GRIA1: variants seen among roughly 807,000 people sequenced by gnomAD.
The protein encoded by GRIA1 is glutamate ionotropic receptor AMPA type subunit 1.
In GRIA1, 31 loss-of-function variants were observed where a neutral mutation model predicts 99.2. The ratio of observed to expected loss-of-function variants is 0.31; its 90% CI spans 0.23 to 0.42. GRIA1 has a LOEUF of 0.42. Among genes scored for constraint, GRIA1 ranks in the 10% least tolerant of loss-of-function variants. The pLI is 1.00. For synonymous variants in GRIA1, 438 were observed against 432.4 expected (o/e 1.01, Z -0.16); for missense variants, 782 against 1,157.5 (o/e 0.68, Z 4.71).
At chr5:153,720,646 T>G (rs1759990693) in intron 11 of GRIA1, among the ~76,000 whole-genome samples, 1 of 152,186 alleles carries the variant, frequency 6.6e-6, no homozygotes, top group African/African-American at 2.4e-5. Context: ...TGGTGTGTAT[T>G]TCTTTATCAA....
intron 2 of GRIA1, among the ~76,000 whole-genome samples, chr5:153,518,841 T>C (rs2113358819): frequency 6.6e-6 from 1 of 152,312 alleles, no homozygotes; most frequent in South Asian, 2.1e-4. Flanking sequence ...AGTTAGTAAG[T>C]GGCTGAGTGA....
At chr5:153,641,462 G>A (rs1382364665) in intron 2 of GRIA1, among the ~76,000 whole-genome samples, 1 of 152,194 alleles carries the variant, frequency 6.6e-6, no homozygotes, top group Non-Finnish European at 1.5e-5. Flanking sequence ...ACGCCATGCA[G>A]TGTGTGGGTT....
intron 15 of GRIA1, among the ~76,000 whole-genome samples, chr5:153,807,030 G>A (rs574065592): frequency 2.0e-5 from 3 of 152,306 alleles, no homozygotes; most frequent in East Asian, 1.9e-4. Context: ...CCTATTCTCT[G>A]TTCTTCCAGT....
intron 11 of GRIA1, among the ~76,000 whole-genome samples, chr5:153,731,222 CTCTT>C (rs1237272427): frequency 1.3e-5 from 2 of 151,186 alleles, no homozygotes; most frequent in African/African-American, 2.4e-5. Flanking sequence ...CTCTCTGTCT[CTCTT>C]TCTCTCTCTC....
At chr5:153,572,696 G>A (rs548825794) in intron 2 of GRIA1, among the ~76,000 whole-genome samples, 22 of 152,308 alleles carry the variant, frequency 1.4e-4, no homozygotes, top group African/African-American at 5.1e-4. Flanking sequence ...GTACTGATCA[G>A]ATCCAAAGAA....
intron 5 of GRIA1, among the ~76,000 whole-genome samples, chr5:153,673,588 T>C (rs889064758): frequency 4.6e-5 from 7 of 152,342 alleles, no homozygotes; most frequent in African/African-American, 1.4e-4. Context: ...CCCTTAGTTC[T>C]GGTGCTCTCT....
At chr5:153,797,109 C>G (rs1383859430) in intron 14 of GRIA1, among the ~76,000 whole-genome samples, 1 of 152,162 alleles carries the variant, frequency 6.6e-6, no homozygotes, top group African/African-American at 2.4e-5. Context: ...AAAGAAAGCC[C>G]TTGAGACCAA....
At chr5:153,764,387 C>A in intron 11 of GRIA1, 47 bp from the exon 12 acceptor site, 1 of 1,477,692 alleles carries the variant, frequency 6.8e-7, no homozygotes, top group Non-Finnish European at 9.5e-7. Flanking sequence ...CAGAGCTTTC[C>A]ACAGTTGATG....
chr5:153,689,569 A>G (rs1757587574), intron 8 of GRIA1, among the ~76,000 whole-genome samples: 1 of 152,170 alleles, frequency 6.6e-6, no homozygotes, highest in African/African-American at 2.4e-5. Flanking sequence ...GTTATACTGA[A>G]GGTGCAACAA....
chr5:153,760,113 C>A (rs1188377204), intron 11 of GRIA1, among the ~76,000 whole-genome samples: 1 of 151,982 alleles, frequency 6.6e-6, no homozygotes. Flanking sequence ...AAGTTGAAAG[C>A]TTTTCCCCTA....
chr5:153,588,352 C>G (rs1763677928), intron 2 of GRIA1, among the ~76,000 whole-genome samples: 5 of 152,308 alleles, frequency 3.3e-5, no homozygotes, highest in Admixed American at 2.6e-4. Context: ...CCCCCAACCC[C>G]CATGCCTCCA....
intron 2 of GRIA1, among the ~76,000 whole-genome samples, chr5:153,512,602 A>G (rs1248304884): frequency 6.6e-6 from 1 of 152,174 alleles, no homozygotes; most frequent in Non-Finnish European, 1.5e-5. Flanking sequence ...TCTAGTCTGC[A>G]AACCTCCCAA....
At chr5:153,797,475 G>A (rs1581673492) in intron 14 of GRIA1, among the ~76,000 whole-genome samples, 1 of 152,136 alleles carries the variant, frequency 6.6e-6, no homozygotes, top group African/African-American at 2.4e-5. Flanking sequence ...AAACACCTCT[G>A]GGGACAATTT....
intron 2 of GRIA1, among the ~76,000 whole-genome samples, chr5:153,623,084 T>C (rs75849876): frequency 0.23 from 35,358 of 152,166 alleles, 4,527 homozygotes; most frequent in Non-Finnish European, 0.3. Flanking sequence ...TCAGGTTGGT[T>C]TCATCCAAAG....
intron 2 of GRIA1, among the ~76,000 whole-genome samples, chr5:153,624,072 C>A (rs938127455): frequency 6.6e-6 from 1 of 152,164 alleles, no homozygotes; most frequent in African/African-American, 2.4e-5. Context: ...GGATGAATTT[C>A]CTTTGCAAAA....
At chr5:153,545,697 C>T (rs566437770) in intron 2 of GRIA1, among the ~76,000 whole-genome samples, 8 of 152,108 alleles carry the variant, frequency 5.3e-5, no homozygotes, top group Admixed American at 2.0e-4. Context: ...GTGAGCCATA[C>T]GGTCTCTGTC....
At chr5:153,553,685 T>A (rs187825862) in intron 2 of GRIA1, among the ~76,000 whole-genome samples, 219 of 152,264 alleles carry the variant, frequency 1.4e-3, no homozygotes, top group Non-Finnish European at 2.9e-3. Context: ...CATATGCCAG[T>A]TAAACTCCAC....
At chr5:153,739,080 G>A (rs1761596656) in intron 11 of GRIA1, among the ~76,000 whole-genome samples, 3 of 116,340 alleles carry the variant, frequency 2.6e-5, no homozygotes, top group African/African-American at 3.7e-5. Flanking sequence ...GCAAGGCAGG[G>A]ATTTCTCCAA....
At chr5:153,752,283 T>G (rs944522121) in intron 11 of GRIA1, among the ~76,000 whole-genome samples, 2 of 152,130 alleles carry the variant, frequency 1.3e-5, no homozygotes, top group Non-Finnish European at 2.9e-5. Context: ...TGCACCTGTC[T>G]GCTTGGTGAT....
Sources: gnomAD v4.1 joint callset for allele counts (sites outside exome capture counted in the v4.1 genomes callset) on GRCh38, gnomAD v4.1.1 for gene constraint, MANE v1.5 for transcripts, NCBI Gene and HGNC (gene_info 2026-07-23, HGNC 2026-07-21) for gene names.